GLG1: variants seen among roughly 807,000 people sequenced by gnomAD.
GLG1 encodes Golgi apparatus protein 1.
Under a neutral mutation model 160.5 loss-of-function variants are expected in GLG1, and 38 were observed. That is an observed-to-expected ratio of 0.24 (90% confidence interval 0.18 to 0.31). The LOEUF is 0.31. Among genes scored for constraint, GLG1 ranks in the 10% least tolerant of loss-of-function variants. GLG1 has a pLI of 1.00. For synonymous variants in GLG1, 644 were observed against 543.4 expected (o/e 1.19, Z -2.57); for missense variants, 1,373 against 1,505.2 (o/e 0.91, Z 1.45).
intron 1 of GLG1, among the ~76,000 whole-genome samples, chr16:74,574,743 G>C (rs149194832): frequency 0.02 from 3,084 of 151,350 alleles, 48 homozygotes; most frequent in Non-Finnish European, 0.031. Context: ...AATTAGCTGA[G>C]CATGGTGGTG....
chr16:74,465,890 C>A (rs764851188), intron 18 of GLG1, 77 bp from the exon 19 acceptor site: 39 of 1,187,386 alleles, frequency 3.3e-5, no homozygotes, highest in Admixed American at 7.1e-5. Context: ...AAACATTCAG[C>A]TCCACTGTGC....
At position 74,448,878 on chromosome 16, in the gene GLG1, A is replaced by C. The variant is rs1440957192; in HGVS notation, c.*4289T>G. 2 of 152,034 alleles carry C rather than the reference A, an allele frequency of 1.3e-5. No homozygotes were observed. Among genetic ancestry groups the C allele is most frequent in the African/African-American group, 4.8e-5 (2 of 41,418 alleles). 9.4% of individuals were successfully genotyped at this position (152,034 alleles called of 1,614,324 possible). ...GCCACTTTGGAAGGCCGAAGTGGGCACATCATGAGGTCAGGAGATGGAGAC... is the reference window on the plus strand; with the variant it reads ...GCCACTTTGGAAGGCCGAAGTGGGCCCATCATGAGGTCAGGAGATGGAGAC... On this transcript the variant is annotated 3_prime_UTR_variant, in exon 26 of 26. Transcript: ENST00000422840.
At chr16:74,462,786 C>T in intron 20 of GLG1, 156 bp from the exon 21 acceptor site, 1 of 691,372 alleles carries the variant, frequency 1.4e-6, no homozygotes, top group East Asian at 2.7e-5. Context: ...TCTCACTACA[C>T]TGTTTTTAAT....
At chr16:74,590,498 G>C (rs1333331269) in intron 1 of GLG1, among the ~76,000 whole-genome samples, 4 of 151,172 alleles carry the variant, frequency 2.6e-5, no homozygotes, top group Non-Finnish European at 5.9e-5. Context: ...GCGGGCGCCT[G>C]TAGTCCCAGC....
intron 1 of GLG1, among the ~76,000 whole-genome samples, chr16:74,537,901 T>C (rs1430031870): frequency 6.6e-6 from 1 of 152,058 alleles, no homozygotes; most frequent in East Asian, 1.9e-4. Context: ...GGAGGAAGGT[T>C]TTTACAGAAA....
intron 1 of GLG1, among the ~76,000 whole-genome samples, chr16:74,541,710 A>C (rs1043233550): frequency 7.9e-5 from 12 of 152,228 alleles, no homozygotes; most frequent in East Asian, 1.9e-4. Context: ...CAAAAACGTT[A>C]CTGCTATCCA....
chr16:74,564,420 C>G (rs1264547513), intron 1 of GLG1, among the ~76,000 whole-genome samples: 2 of 152,194 alleles, frequency 1.3e-5, no homozygotes, highest in Non-Finnish European at 2.9e-5. Context: ...TATTATCCTC[C>G]TAACAGTCAT....
intron 1 of GLG1, among the ~76,000 whole-genome samples, chr16:74,538,010 T>C (rs908028453): frequency 3.9e-5 from 6 of 151,900 alleles, no homozygotes; most frequent in African/African-American, 1.5e-4. Context: ...GGTGTCCCAG[T>C]TTCTGAAACA....
intron 15 of GLG1, among the ~76,000 whole-genome samples, 175 bp downstream of exon 15, chr16:74,470,998 C>G (rs557005208): frequency 6.6e-6 from 1 of 152,016 alleles, no homozygotes; most frequent in African/African-American, 2.4e-5. Context: ...CTCAAGTGAT[C>G]CACCCACCTC....
chr16:74,468,559 G>A (rs1288495175), intron 17 of GLG1: 1 of 195,956 alleles, frequency 5.1e-6, no homozygotes, highest in South Asian at 1.0e-4. Flanking sequence ...TACAGGCAGG[G>A]TTTCATCACG....
At chr16:74,470,974 C>G (rs908108519) in intron 15 of GLG1, among the ~76,000 whole-genome samples, 199 bp downstream of exon 15, 4 of 151,974 alleles carry the variant, frequency 2.6e-5, no homozygotes, top group African/African-American at 4.8e-5. Context: ...TCAGGTTGGT[C>G]TTGAACTCCT....
chr16:74,456,526 A>C (rs956845122), intron 25 of GLG1, 123 bp downstream of exon 25: 19 of 705,272 alleles, frequency 2.7e-5, no homozygotes, highest in Non-Finnish European at 4.3e-5. Flanking sequence ...GCGATATCTA[A>C]AAGAGGCTGG....
intron 1 of GLG1, among the ~76,000 whole-genome samples, chr16:74,553,741 G>A (rs1382006149): frequency 6.6e-6 from 1 of 152,064 alleles, no homozygotes; most frequent in African/African-American, 2.4e-5. Flanking sequence ...CCAAAGTGCT[G>A]GGATTACAGG....
chr16:74,590,705 G>A (rs537044275), intron 1 of GLG1, among the ~76,000 whole-genome samples: 35 of 148,452 alleles, frequency 2.4e-4, no homozygotes, highest in African/African-American at 6.9e-4. Flanking sequence ...GCTGAGGCAG[G>A]AGAATCACTT....
chr16:74,581,527 T>C (rs540044405), intron 1 of GLG1, among the ~76,000 whole-genome samples: 45 of 102,444 alleles, frequency 4.4e-4, no homozygotes, highest in Admixed American at 8.7e-4. Flanking sequence ...AGATTCAATG[T>C]AAGATTTAAA....
intron 4 of GLG1, 54 bp from the exon 5 acceptor site, chr16:74,496,698 T>C (rs1413613390): frequency 3.9e-6 from 4 of 1,033,534 alleles, no homozygotes; most frequent in Non-Finnish European, 6.0e-6. Context: ...GGGTTTCAAA[T>C]AAACAACATT....
intron 10 of GLG1, 27 bp from the exon 11 acceptor site, chr16:74,480,421 C>G (rs373560051): frequency 6.4e-7 from 1 of 1,558,934 alleles, no homozygotes; most frequent in Non-Finnish European, 8.8e-7. Flanking sequence ...TAAAAGATAA[C>G]CACTAATTAA....
At chr16:74,510,625 T>A (rs1421705524) in intron 2 of GLG1, among the ~76,000 whole-genome samples, 2 of 152,176 alleles carry the variant, frequency 1.3e-5, no homozygotes, top group African/African-American at 4.8e-5. Context: ...AAAAATACAG[T>A]CATCAATCAC....
chr16:74,585,296 C>G (rs1958023509), intron 1 of GLG1, among the ~76,000 whole-genome samples: 1 of 152,156 alleles, frequency 6.6e-6, no homozygotes, highest in African/African-American at 2.4e-5. Flanking sequence ...GTAGTCCCAG[C>G]TACTCGGGAG....
Sources: allele counts gnomAD v4.1 joint callset (sites outside exome capture counted in the v4.1 genomes callset), GRCh38; gene constraint gnomAD v4.1.1; transcripts MANE v1.5; gene names NCBI Gene and HGNC (gene_info 2026-07-23, HGNC 2026-07-21).